SMCO4: variants seen among roughly 807,000 people sequenced by gnomAD.
The protein encoded by SMCO4 is single-pass membrane protein with coiled-coil domains 4, also known as single-pass membrane and coiled-coil domain-containing protein 4.
Under a neutral mutation model 3.6 loss-of-function variants are expected in SMCO4, and 4 were observed. That is an observed-to-expected ratio of 1.11 (90% CI 0.54 to 2.53). The LOEUF (loss-of-function observed/expected upper bound fraction) is 2.53. SMCO4 is among the 30% of genes most tolerant of loss of function. The probability of loss-of-function intolerance (pLI) is 0.02; values close to 1 mark genes in which losing one functional copy is unlikely to be tolerated. For synonymous variants in SMCO4, 36 were observed against 35.3 expected (o/e 1.02, Z -0.07); for missense variants, 70 against 80.8 (o/e 0.87, Z 0.51).
chr11:93,501,588 CTCTTA>C (rs958440890), intron 1 of SMCO4, among the ~76,000 whole-genome samples: 80 of 152,320 alleles, frequency 5.3e-4, no homozygotes, highest in South Asian at 1.7e-3. Flanking sequence ...CTCTGCTTCT[CTCTTA>C]TAAGAATATC....
chr11:93,543,690 C>T (rs1183936472), upstream of SMCO4, among the ~76,000 whole-genome samples: 3 of 152,236 alleles, frequency 2.0e-5, no homozygotes, highest in African/African-American at 7.2e-5. Flanking sequence ...TTGAACGCCT[C>T]GCCCGTGAGA....
intron 1 of SMCO4, among the ~76,000 whole-genome samples, chr11:93,509,597 G>T (rs1948939875): frequency 6.6e-6 from 1 of 152,166 alleles, no homozygotes; most frequent in Non-Finnish European, 1.5e-5. Context: ...AGTGGATAAA[G>T]AAACTGTGCT....
intron 1 of SMCO4, among the ~76,000 whole-genome samples, chr11:93,508,776 GAAAATTGGTTCCTATT>G (rs1948931434): frequency 1.3e-5 from 2 of 152,096 alleles, no homozygotes; most frequent in Admixed American, 1.3e-4. Flanking sequence ...AGTGAGGAGA[GAAAATTGGTTCCTATT>G]TCCAGAGCAT....
chr11:93,510,044 C>T (rs1237859361), intron 1 of SMCO4, among the ~76,000 whole-genome samples: 1 of 152,176 alleles, frequency 6.6e-6, no homozygotes, highest in African/African-American at 2.4e-5. Context: ...GAACTCCAAA[C>T]AGGAGACCGC....
chr11:93,490,602 C>T (rs1276892837), intron 2 of SMCO4, among the ~76,000 whole-genome samples: 1 of 152,200 alleles, frequency 6.6e-6, no homozygotes, highest in Non-Finnish European at 1.5e-5. Flanking sequence ...GCCGACCTAC[C>T]AGTCAAGGCT....
chr11:93,478,941 A>AT lies in SMCO4; in HGVS notation c.*68dup. ...ATGAACATCTCTGAATATGAAAGCC[A>AT]TTTTTTGTTTGCGTCCCCCTCCCGC... On this transcript the variant is annotated 3_prime_UTR_variant, in exon 3 of 3. Transcript: ENST00000298966. The AT allele has an allele frequency of 6.6e-7, 1 of 1,524,808 alleles. No individual in the cohort carries two copies. Among genetic ancestry groups the AT allele is most frequent in the Non-Finnish European group, 8.8e-7 (1 of 1,137,600 alleles). 94.5% of individuals were successfully genotyped at this position (1,524,808 alleles called of 1,614,324 possible).
At chr11:93,512,087 T>C (rs921030038) in intron 1 of SMCO4, among the ~76,000 whole-genome samples, 12 of 152,216 alleles carry the variant, frequency 7.9e-5, no homozygotes, top group Non-Finnish European at 1.0e-4. Flanking sequence ...AAATATGCAA[T>C]AGGAATTTAA....
chr11:93,487,322 C>T (rs1409857674), intron 2 of SMCO4, among the ~76,000 whole-genome samples: 1 of 152,156 alleles, frequency 6.6e-6, no homozygotes, highest in East Asian at 1.9e-4. Context: ...TAAGCGTCTG[C>T]CCCAGGAACA....
chr11:93,523,079 A>G (rs983172720), intron 1 of SMCO4, among the ~76,000 whole-genome samples: 3 of 152,198 alleles, frequency 2.0e-5, no homozygotes, highest in Non-Finnish European at 4.4e-5. Flanking sequence ...GCTCAAACAT[A>G]AAAACTAATG....
At chr11:93,541,631 C>G (rs1380347156) in intron 1 of SMCO4, among the ~76,000 whole-genome samples, 2 of 152,164 alleles carry the variant, frequency 1.3e-5, no homozygotes, top group Non-Finnish European at 2.9e-5. Flanking sequence ...TACACACTTT[C>G]TAAGCACAAT....
the SMCO4 span, among the ~76,000 whole-genome samples, chr11:93,552,751 C>T: frequency 5.3e-5 from 8 of 152,084 alleles, no homozygotes; most frequent in African/African-American, 1.4e-4. Context: ...GGATTACAGG[C>T]GTGAGCCACC....
At chr11:93,524,172 T>C (rs1341478331) in intron 1 of SMCO4, among the ~76,000 whole-genome samples, 1 of 152,114 alleles carries the variant, frequency 6.6e-6, no homozygotes, top group Non-Finnish European at 1.5e-5. Context: ...CTCATATATA[T>C]CTTACCACAG....
chr11:93,539,080 C>T (rs550186714), intron 1 of SMCO4, among the ~76,000 whole-genome samples: 4 of 152,250 alleles, frequency 2.6e-5, no homozygotes, highest in South Asian at 2.1e-4. Context: ...TGTGAACACA[C>T]ATGTGTTTCT....
chr11:93,535,676 T>C (rs1455276822), intron 1 of SMCO4: 2 of 1,611,560 alleles, frequency 1.2e-6, no homozygotes, highest in Non-Finnish European at 1.7e-6. Flanking sequence ...ATCAGCACAG[T>C]GGTGAGCTCC....
intron 1 of SMCO4, chr11:93,535,892 G>A: frequency 6.3e-7 from 1 of 1,598,206 alleles, no homozygotes; most frequent in Non-Finnish European, 8.5e-7. Flanking sequence ...CACATAGCTA[G>A]GTTTCTGGTT....
intron 2 of SMCO4, among the ~76,000 whole-genome samples, chr11:93,481,042 G>GGA (rs1555072856): frequency 1.3e-5 from 2 of 149,028 alleles, no homozygotes; most frequent in Admixed American, 1.3e-4. Context: ...GGAACAGAGA[G>GGA]AAAAAAAAAA....
In SMCO4 at chr11:93,534,236, AC is replaced by A. The variant is rs1207473858; in HGVS notation, c.-154+9039del. Among the ~76,000 whole-genome samples the A allele has an allele frequency of 7.0e-4, 7 of 9,962 alleles. 1 individual carries two copies. Among genetic ancestry groups the A allele is most frequent in the Admixed American group, 2.2e-3 (5 of 2,262 alleles). 6.5% of individuals were successfully genotyped at this position (9,962 alleles called of 152,430 possible). A position where few individuals can be genotyped will look rare whatever the true frequency, so the allele number is the denominator to read the frequency against. The stretch of plus-strand genomic sequence containing the variant: ...TATATACACACACACACACACACAC[AC>A]ACACACACACACACACACACACACA... On this transcript the variant is annotated intron_variant, in intron 1 of 2. Coordinates refer to ENST00000298966, the MANE Select transcript of SMCO4 (RefSeq NM_020179.3).
At chr11:93,510,927 CATCTCTACTAAAA>C (rs1472306678) in intron 1 of SMCO4, among the ~76,000 whole-genome samples, 2 of 152,116 alleles carry the variant, frequency 1.3e-5, no homozygotes, top group Non-Finnish European at 2.9e-5. Context: ...GGTGAAACCC[CATCTCTACTAAAA>C]ATACAAAAAT....
chr11:93,547,436 T>C (rs1224879960), upstream of SMCO4, among the ~76,000 whole-genome samples: 1 of 152,220 alleles, frequency 6.6e-6, no homozygotes, highest in Non-Finnish European at 1.5e-5. Flanking sequence ...TGTCGTCTTC[T>C]CAGAGAAGCT....
Sources: gnomAD v4.1 joint callset for allele counts (sites outside exome capture counted in the v4.1 genomes callset) on GRCh38, gnomAD v4.1.1 for gene constraint, MANE v1.5 for transcripts, NCBI Gene and HGNC (gene_info 2026-07-23, HGNC 2026-07-21) for gene names.